The following DACH2 variants were observed in gnomAD, a reference collection of about 807,000 sequenced individuals.
The protein encoded by DACH2 is dachshund family transcription factor 2, also known as dachshund homolog 2.
In DACH2, 17 loss-of-function variants were observed where a neutral mutation model predicts 35.8. That is an observed-to-expected ratio of 0.48 (90% CI 0.33 to 0.71). The LOEUF is 0.71. Ranked by LOEUF, DACH2 falls within the 30% of genes least tolerant of loss-of-function variation. The pLI, the probability that DACH2 is intolerant of heterozygous loss-of-function variation, is 0.02. For synonymous variants in DACH2, 195 were observed against 177.3 expected, an observed-to-expected ratio of 1.10 and a Z score of -0.79; for missense variants, 469 against 472.7, an observed-to-expected ratio of 0.99 and a Z score of 0.07.
At chrX:86,289,728 A>G (rs2034234513) in intron 1 of DACH2, among the ~76,000 whole-genome samples, 1 of 108,638 alleles carries the variant, frequency 9.2e-6, no homozygotes, top group Non-Finnish European at 1.9e-5. Flanking sequence ...AATTTCCTCC[A>G]TGTCCCTACA....
At chrX:86,494,915 G>A (rs1022846792) in intron 2 of DACH2, among the ~76,000 whole-genome samples, 14 of 112,311 alleles carry the variant, frequency 1.2e-4, no homozygotes, top group Non-Finnish European at 2.6e-4. Context: ...TCTAGTGGTC[G>A]CATTTAAAAA....
intron 5 of DACH2, among the ~76,000 whole-genome samples, chrX:86,705,028 TTA>T (rs746696661): frequency 8.6e-5 from 3 of 34,902 alleles, no homozygotes; most frequent in Admixed American, 2.0e-4. Flanking sequence ...ACAGAAATTG[TTA>T]TATATATATA....
intron 1 of DACH2, chrX:86,161,350 C>G: frequency 9.3e-7 from 1 of 1,076,601 alleles, no homozygotes; most frequent in Non-Finnish European, 1.2e-6. Flanking sequence ...CCTGTAATCA[C>G]GTTCTTAATG....
intron 1 of DACH2, among the ~76,000 whole-genome samples, chrX:86,196,540 G>C (rs2031988495): frequency 9.4e-6 from 1 of 106,892 alleles, no homozygotes; most frequent in Non-Finnish European, 1.9e-5. Context: ...AAAATACAAA[G>C]AAATTAGCCA....
intron 2 of DACH2, among the ~76,000 whole-genome samples, chrX:86,465,378 A>T (rs1406775688): frequency 1.8e-5 from 2 of 112,049 alleles, no homozygotes. Flanking sequence ...TAGATACTTG[A>T]AGTAGCCAAG....
intron 2 of DACH2, among the ~76,000 whole-genome samples, chrX:86,427,164 A>T (rs903741898): frequency 9.0e-6 from 1 of 111,576 alleles, no homozygotes; most frequent in Admixed American, 9.6e-5. Context: ...CCCTTTATCT[A>T]TAAAGACAGG....
chrX:86,386,531 T>G (rs1290470445), intron 2 of DACH2, among the ~76,000 whole-genome samples: 1 of 111,359 alleles, frequency 9.0e-6, no homozygotes, highest in Non-Finnish European at 1.9e-5. Flanking sequence ...ATGAGAGATT[T>G]GCCTTTTCTG....
chrX:86,534,588 C>T (rs906455808), intron 3 of DACH2, among the ~76,000 whole-genome samples: 1 of 111,854 alleles, frequency 8.9e-6, no homozygotes, highest in African/African-American at 3.3e-5. Flanking sequence ...ATGCATTAGA[C>T]TCCACTTGGC....
chrX:86,648,894 A>G (rs1048860190), intron 3 of DACH2, among the ~76,000 whole-genome samples: 1 of 111,327 alleles, frequency 9.0e-6, no homozygotes, highest in African/African-American at 3.2e-5. Context: ...AGCTATATAA[A>G]AGACAACAAA....
intron 1 of DACH2, among the ~76,000 whole-genome samples, chrX:86,348,557 A>T (rs1227408088): frequency 1.8e-5 from 2 of 111,704 alleles, no homozygotes; most frequent in African/African-American, 6.5e-5. Context: ...CATCTGCAAA[A>T]TTCATATTTG....
At chrX:86,152,817 T>C (rs1396147899) in intron 1 of DACH2, among the ~76,000 whole-genome samples, 6 of 111,837 alleles carry the variant, frequency 5.4e-5, no homozygotes, top group Non-Finnish European at 1.1e-4. Flanking sequence ...TTTTTGCAGA[T>C]AAAGCACTGT....
At chrX:86,649,269 G>A (rs1263763991) in intron 3 of DACH2, among the ~76,000 whole-genome samples, 10 of 110,911 alleles carry the variant, frequency 9.0e-5, no homozygotes, top group African/African-American at 2.9e-4. Flanking sequence ...GAGTTAGGAA[G>A]CATATATTGT....
intron 3 of DACH2, among the ~76,000 whole-genome samples, chrX:86,581,161 C>G (rs1481130729): frequency 9.0e-6 from 1 of 111,390 alleles, no homozygotes; most frequent in Non-Finnish European, 1.9e-5. Context: ...TAAGATCCTT[C>G]TAATACAAGC....
At chrX:86,232,425 G>T (rs2032969109) in intron 1 of DACH2, among the ~76,000 whole-genome samples, 1 of 111,485 alleles carries the variant, frequency 9.0e-6, no homozygotes, top group Non-Finnish European at 1.9e-5. Flanking sequence ...TATAGAATGG[G>T]AGAAAATATT....
intron 4 of DACH2, among the ~76,000 whole-genome samples, chrX:86,684,596 AATTAT>A (rs1452696776): frequency 9.0e-6 from 1 of 111,268 alleles, no homozygotes; most frequent in Non-Finnish European, 1.9e-5. Flanking sequence ...AATCTATTTA[AATTAT>A]ATTATGAGTA....
intron 7 of DACH2, among the ~76,000 whole-genome samples, chrX:86,744,898 G>A (rs1405908579): frequency 1.8e-5 from 2 of 110,878 alleles, no homozygotes; most frequent in South Asian, 3.7e-4. Flanking sequence ...CAGCAATTAC[G>A]GCTATTCACT....
At chrX:86,752,625 A>G (rs1355131588) in intron 7 of DACH2, among the ~76,000 whole-genome samples, 1 of 111,720 alleles carries the variant, frequency 9.0e-6, no homozygotes, top group Non-Finnish European at 1.9e-5. Context: ...GATTTTTTGC[A>G]GGAATCATAG....
At chrX:86,642,204 T>C (rs7883551) in intron 3 of DACH2, among the ~76,000 whole-genome samples, 25,426 of 110,599 alleles carry the variant, frequency 0.23, 2,703 homozygotes, top group East Asian at 0.48. Context: ...ATTCTGTCTT[T>C]GAGAGATCCA....
intron 5 of DACH2, among the ~76,000 whole-genome samples, chrX:86,704,786 T>C (rs779496753): frequency 1.3e-4 from 14 of 110,945 alleles, no homozygotes; most frequent in Non-Finnish European, 2.1e-4. Flanking sequence ...GGAACACTTC[T>C]ACACTGCTGG....
Sources: allele counts gnomAD v4.1 joint callset (sites outside exome capture counted in the v4.1 genomes callset), GRCh38; gene constraint gnomAD v4.1.1; transcripts MANE v1.5; gene names NCBI Gene and HGNC (gene_info 2026-07-23, HGNC 2026-07-21).